CFAP74: variants seen among roughly 807,000 people sequenced by gnomAD.
CFAP74 encodes cilia and flagella associated protein 74, also known as cilia- and flagella-associated protein 74.
In CFAP74, 124 loss-of-function variants were observed where a neutral mutation model predicts 188.9. The observed-to-expected ratio is 0.66, with a 90% CI of 0.57 to 0.76. CFAP74 has a LOEUF of 0.76. CFAP74 is among the 30% of genes least tolerant of loss of function. The pLI is 0.00. For missense variants in CFAP74, 2,198 were observed against 2,165.2 expected (o/e 1.02, Z -0.30); for synonymous variants, 956 against 916.7 (o/e 1.04, Z -0.77).
chr1:1,968,162 C>T lies in CFAP74; in HGVS notation c.1245+473G>A, dbSNP rs569141667. On this transcript the variant is annotated intron_variant, in intron 11 of 38. Coordinates refer to ENST00000682832, the MANE Select transcript of CFAP74 (RefSeq NM_001304360.2). The surrounding 1 kb of genome is among the most constrained non-coding windows in gnomAD (Gnocchi z 4.3). ...AATGAAGAAAGAATGAGTGAGTGAACGAATAAAGGATGAGTGAGTGAATGA... is the reference window on the plus strand; with the variant it reads ...AATGAAGAAAGAATGAGTGAGTGAATGAATAAAGGATGAGTGAGTGAATGA... 1.2e-4 allele frequency among the ~76,000 whole-genome samples: 18 copies of T among 151,888 alleles called. No individual in the cohort carries two copies. Among genetic ancestry groups the T allele is most frequent in the East Asian group, 1.9e-4 (1 of 5,182 alleles).
chr1:1,970,890 T>C (rs377137699), intron 9 of CFAP74, 74 bp from the exon 10 acceptor site: 182 of 1,565,924 alleles, frequency 1.2e-4, no homozygotes, highest in Non-Finnish European at 1.5e-4. Flanking sequence ...CCTGCACATG[T>C]GCACACACAG....
intron 25 of CFAP74, among the ~76,000 whole-genome samples, chr1:1,935,007 A>G (rs1160861969): frequency 1.6e-5 from 1 of 61,482 alleles, no homozygotes; most frequent in Non-Finnish European, 3.1e-5. Flanking sequence ...ACACGTGTGT[A>G]TGTGTGTTGC....
chr1:1,952,096 C>T (rs111717999), intron 18 of CFAP74, among the ~76,000 whole-genome samples: 10,300 of 152,176 alleles, frequency 0.068, 1,127 homozygotes, highest in African/African-American at 0.23. Flanking sequence ...AGACTACAGG[C>T]GCCTGCCACC....
intron 18 of CFAP74, 120 bp downstream of exon 18, chr1:1,955,571 C>T (rs755699694): frequency 6.8e-6 from 11 of 1,611,878 alleles, no homozygotes; most frequent in South Asian, 2.2e-5. Context: ...CACTTAACAT[C>T]GAAGGCCTAG....
At chr1:1,994,997 C>T (rs147154560) in intron 1 of CFAP74, among the ~76,000 whole-genome samples, 231 of 152,230 alleles carry the variant, frequency 1.5e-3, no homozygotes, top group Non-Finnish European at 2.5e-3. Context: ...AACCCGACGT[C>T]GCCACACAGC....
At chr1:1,988,750 T>G in intron 3 of CFAP74, 95 bp from the exon 4 acceptor site, 2 of 1,505,600 alleles carry the variant, frequency 1.3e-6, no homozygotes, top group East Asian at 2.3e-5. Context: ...CTGACAGTTC[T>G]GCTTCAGGGC....
rs1179483749 is a variant in CFAP74 at position 1,926,284 on chromosome 1, G to A, written c.3892C>T (p.Arg1298Cys). The change falls in exon 32 of 39, where the codon CGT becomes TGT. Residue 1298 changes from arginine (R) to cysteine (C), a missense_variant. Transcript: ENST00000682832. ...ACCAGGACCTGGGTCCCACCTGCAC[G>A]CAGCAGGCTGGAGTGGTTCAGCAGG... ...FVLLNHSSLL[R>C]AGGTQVLVLS... is the part of the protein sequence containing the mutation. 1.0e-5 allele frequency: 16 copies of A among 1,543,416 alleles called. No individual in the cohort carries two copies. The highest frequency in any genetic ancestry group is 1.4e-5 in the African/African-American group (1 of 72,918).
At chr1:1,965,757 C>T (rs1018269633) in intron 12 of CFAP74, among the ~76,000 whole-genome samples, 1 of 152,206 alleles carries the variant, frequency 6.6e-6, no homozygotes, top group Non-Finnish European at 1.5e-5. Flanking sequence ...GTCTTGTTCA[C>T]CACCCTGGTC....
intron 1 of CFAP74, among the ~76,000 whole-genome samples, chr1:1,999,542 T>C (rs13303352): frequency 0.34 from 51,332 of 152,038 alleles, 9,629 homozygotes; most frequent in African/African-American, 0.51. Flanking sequence ...TCAGGCCAGG[T>C]GCAGTGGCTC....
chr1:1,946,681 G>C (rs66538708), intron 19 of CFAP74, among the ~76,000 whole-genome samples: 141 of 152,236 alleles, frequency 9.3e-4, no homozygotes, highest in African/African-American at 3.3e-3. Flanking sequence ...CTGCTCATGA[G>C]CTCATGGCCG....
At chr1:1,970,624 G>T (rs906443737) in intron 10 of CFAP74, 35 bp downstream of exon 10, 1 of 1,576,586 alleles carries the variant, frequency 6.3e-7, no homozygotes, top group African/African-American at 1.3e-5. Context: ...GACTGGGCGG[G>T]TGCCTCCCGG....
chr1:1,947,224 G>A (rs913187755), intron 18 of CFAP74, among the ~76,000 whole-genome samples, 170 bp from the exon 19 acceptor site: 1 of 152,238 alleles, frequency 6.6e-6, no homozygotes, highest in African/African-American at 2.4e-5. Flanking sequence ...CCCAGAGAGG[G>A]TGCAGCCAGT....
chr1:1,952,352 TAA>T (rs111449449), intron 18 of CFAP74, among the ~76,000 whole-genome samples: 11,207 of 135,746 alleles, frequency 0.083, 1,323 homozygotes, highest in African/African-American at 0.27. Context: ...AGTATAAAAT[TAA>T]AAAAAAAAAA....
Position 1,990,877 on chromosome 1 carries a change from G to A in CFAP74, c.67+13C>T. On this transcript the variant is annotated intron_variant, in intron 2 of 38. Coordinates refer to ENST00000682832, the MANE Select transcript of CFAP74 (RefSeq NM_001304360.2). ...TGCTGAAACTTCCGTTACTGTGAAAGAAGCTTTATTACCATCTTCCAAAAG... is the reference window on the plus strand; with the variant it reads ...TGCTGAAACTTCCGTTACTGTGAAAAAAGCTTTATTACCATCTTCCAAAAG... The A allele has an allele frequency of 1.9e-6, 3 of 1,605,856 alleles. No individual in the cohort carries two copies. Among genetic ancestry groups the A allele is most frequent in the Non-Finnish European group, 2.6e-6 (3 of 1,176,380 alleles).
chr1:1,952,230 G>T (rs1326788835), intron 18 of CFAP74, among the ~76,000 whole-genome samples: 4 of 152,124 alleles, frequency 2.6e-5, no homozygotes, highest in African/African-American at 9.7e-5. Context: ...TGGGATTACA[G>T]GCGTGAGCCA....
At chr1:1,995,653 T>C (rs1311747299) in intron 1 of CFAP74, among the ~76,000 whole-genome samples, 1 of 152,070 alleles carries the variant, frequency 6.6e-6, no homozygotes, top group Non-Finnish European at 1.5e-5. Context: ...CTCACGCCTG[T>C]AATCCCAGCA....
rs757762876 is a variant in CFAP74 at position 1,965,025 on chromosome 1, C to T, written c.1438G>A (p.Gly480Arg). 14 of 1,613,620 alleles carry T rather than the reference C, an allele frequency of 8.7e-6. No individual in the cohort carries two copies. The highest frequency in any genetic ancestry group is 3.3e-5 in the Admixed American group (2 of 59,932). ...AGGATGTCCTTGTCCATCTTTGTCC[C>T]GCCCACGGGCTTTCGGTCCACGTCC... Reference protein sequence around the residue: ...KEDVDRKPVGGTKMDKDILER... With the variant: ...KEDVDRKPVGRTKMDKDILER... Residue 480 changes from glycine (G) to arginine (R), a missense_variant, in exon 13 of 39, where the codon GGG (glycine) becomes AGG (arginine). Coordinates refer to ENST00000682832, the MANE Select transcript of CFAP74 (RefSeq NM_001304360.2).
Position 1,948,547 on chromosome 1 carries a change from A to G in CFAP74, c.2177-1493T>C, listed in dbSNP as rs572424927. Among the ~76,000 whole-genome samples the G allele has an allele frequency of 6.7e-4, 100 of 149,874 alleles. 3 individuals carry two copies. Among genetic ancestry groups the G allele is most frequent in the African/African-American group, 2.4e-3 (96 of 40,520 alleles). On this transcript the variant is annotated intron_variant, in intron 18 of 38. Coordinates refer to ENST00000682832, the MANE Select transcript of CFAP74 (RefSeq NM_001304360.2). ...AGTATTGGGATTATAGGCATGAGCT[A>G]CCATGGCCTGGCCTCCTTATTCTAG...
At chr1:1,971,893 C>G (rs559364450) in intron 9 of CFAP74, 87 bp downstream of exon 9, 14 of 1,045,600 alleles carry the variant, frequency 1.3e-5, no homozygotes, top group Non-Finnish European at 1.8e-5. Context: ...CCAGAGGACA[C>G]GGGCCTGGCT....
Sources: gnomAD v4.1 joint callset for allele counts (sites outside exome capture counted in the v4.1 genomes callset) on GRCh38, gnomAD v4.1.1 for gene constraint, Gnocchi (gnomAD v3.1) non-coding constraint, MANE v1.5 for transcripts, NCBI Gene and HGNC (gene_info 2026-07-23, HGNC 2026-07-21) for gene names.